The following KAZN variants were observed in gnomAD, a reference collection of about 807,000 sequenced individuals.
KAZN encodes kazrin.
Under a neutral mutation model 87.4 loss-of-function variants are expected in KAZN, and 40 were observed. The observed-to-expected ratio is 0.46, with a 90% confidence interval of 0.36 to 0.60. KAZN has a LOEUF of 0.60. Ranked by LOEUF, KAZN falls within the 20% of genes least tolerant of loss-of-function variation. The pLI is 0.00. For synonymous variants in KAZN, 466 were observed against 458.3 expected, an observed-to-expected ratio of 1.02 and a Z score of -0.22; for missense variants, 898 against 1,073.9, an observed-to-expected ratio of 0.84 and a Z score of 2.29.
intron 2 of KAZN, chr1:14,223,139 G>T (rs1647145414): frequency 6.6e-6 from 1 of 152,214 alleles, no homozygotes; most frequent in Non-Finnish European, 1.5e-5. Context: ...GCAGCTGTTG[G>T]ATGGTGGAAG....
chr1:14,263,587 C>T (rs555494897), intron 2 of KAZN, among the ~76,000 whole-genome samples: 28 of 151,774 alleles, frequency 1.8e-4, no homozygotes, highest in African/African-American at 6.5e-4. Flanking sequence ...TTGGTTTCAG[C>T]GATGATTTCT....
At chr1:14,333,102 G>A (rs1656969637) in intron 2 of KAZN, among the ~76,000 whole-genome samples, 1 of 151,944 alleles carries the variant, frequency 6.6e-6, no homozygotes, top group African/African-American at 2.4e-5. Context: ...TGTTCTCATT[G>A]TTCAGCTCCC....
At chr1:14,585,293 A>G (rs1433413997) in intron 2 of KAZN, among the ~76,000 whole-genome samples, 1 of 152,158 alleles carries the variant, frequency 6.6e-6, no homozygotes, top group Non-Finnish European at 1.5e-5. Flanking sequence ...AATTTCAATC[A>G]TGTGTTAGTC....
At chr1:15,049,575 A>G (rs945398760) in intron 4 of KAZN, among the ~76,000 whole-genome samples, 5 of 152,000 alleles carry the variant, frequency 3.3e-5, no homozygotes, top group Non-Finnish European at 7.3e-5. Flanking sequence ...CCCTCCATCA[A>G]GTAGGACATT....
intron 6 of KAZN, chr1:15,061,614 G>A (rs1304531825): frequency 6.6e-6 from 1 of 152,208 alleles, no homozygotes; most frequent in Non-Finnish European, 1.5e-5. Flanking sequence ...ACACCTTCCA[G>A]GCTCAAACAA....
intron 1 of KAZN, among the ~76,000 whole-genome samples, chr1:14,756,596 C>T (rs972534918): frequency 2.6e-5 from 4 of 152,142 alleles, no homozygotes; most frequent in Admixed American, 1.3e-4. Context: ...GTGGGTGCAC[C>T]GTGGAAATAG....
At chr1:14,962,099 A>G (rs1021206172) in intron 2 of KAZN, among the ~76,000 whole-genome samples, 1 of 152,228 alleles carries the variant, frequency 6.6e-6, no homozygotes, top group Non-Finnish European at 1.5e-5. Flanking sequence ...ATTTTGCTGG[A>G]CAGTTAATCG....
intron 2 of KAZN, among the ~76,000 whole-genome samples, chr1:14,533,533 TTA>T (rs1162730144): frequency 6.6e-6 from 1 of 152,192 alleles, no homozygotes; most frequent in African/African-American, 2.4e-5. Flanking sequence ...TTCCCAGTAT[TTA>T]TGATTGTGTC....
rs145951247 is a variant in KAZN at position 14,160,731 on chromosome 1, G to T, written c.92-19704G>T. 7.9e-5 allele frequency among the ~76,000 whole-genome samples: 12 copies of T among 152,178 alleles called. No homozygotes were observed. In the East Asian group the frequency reaches 2.3e-3, roughly 29 times the overall value. ...TGAGCTAGAAGTAAGTGAATTTGGG[G>T]GTTCACTAAAAGCCTCCCATTTATT... On this transcript the variant is annotated intron_variant, in intron 1 of 16. Coordinates refer to the KAZN transcript ENST00000636203.
chr1:14,060,088 G>T (rs78210457), intron 1 of KAZN, among the ~76,000 whole-genome samples: 2 of 151,922 alleles, frequency 1.3e-5, no homozygotes, highest in African/African-American at 4.8e-5. Context: ...AATGAGCCTG[G>T]GGGCAGTGGT....
At chr1:14,695,980 G>A (rs907236811) in intron 1 of KAZN, among the ~76,000 whole-genome samples, 20 of 152,142 alleles carry the variant, frequency 1.3e-4, no homozygotes, top group Admixed American at 2.6e-4. Context: ...TCCAGGAGAC[G>A]TGTTGATACA....
chr1:15,007,426 C>T (rs931839558), intron 2 of KAZN, among the ~76,000 whole-genome samples: 4 of 152,222 alleles, frequency 2.6e-5, no homozygotes, highest in African/African-American at 7.2e-5. Context: ...GCAGACATTA[C>T]GGTCCCCAGT....
chr1:14,862,451 A>G (rs572661251), intron 1 of KAZN, among the ~76,000 whole-genome samples: 2 of 152,194 alleles, frequency 1.3e-5, no homozygotes, highest in South Asian at 2.1e-4. Flanking sequence ...TCCTGTTCCA[A>G]TCACACCTGG....
At chr1:14,247,060 T>C (rs1474197701) in intron 2 of KAZN, among the ~76,000 whole-genome samples, 2 of 152,346 alleles carry the variant, frequency 1.3e-5, no homozygotes, top group Non-Finnish European at 2.9e-5. Flanking sequence ...TGTCTGACTT[T>C]TAATTACTTT....
At chr1:14,688,865 T>C (rs1295130771) in intron 1 of KAZN, among the ~76,000 whole-genome samples, 2 of 152,196 alleles carry the variant, frequency 1.3e-5, no homozygotes, top group South Asian at 2.1e-4. Context: ...GACAAAATCA[T>C]ATGTAGTTTT....
chr1:14,600,052 GT>G, intron 1 of KAZN, among the ~76,000 whole-genome samples: 1 of 152,164 alleles, frequency 6.6e-6, no homozygotes, highest in Non-Finnish European at 1.5e-5. Flanking sequence ...AAAATGTACT[GT>G]TTGGTTTCTG....
chr1:14,477,951 T>G (rs986846146), intron 2 of KAZN, among the ~76,000 whole-genome samples: 1 of 152,172 alleles, frequency 6.6e-6, no homozygotes, highest in African/African-American at 2.4e-5. Context: ...AAGCCCTGTA[T>G]GCCAAGCAAC....
intron 8 of KAZN, among the ~76,000 whole-genome samples, chr1:15,068,764 CAT>C (rs1466675391): frequency 2.0e-5 from 3 of 152,080 alleles, no homozygotes; most frequent in African/African-American, 7.2e-5. Flanking sequence ...CAAAGCCTGA[CAT>C]AGTCAGTACC....
In KAZN at chr1:14,094,991, C is replaced by T. The variant is rs571409103; in HGVS notation, c.92-85444C>T. 1.9e-3 allele frequency among the ~76,000 whole-genome samples: 295 copies of T among 152,234 alleles called. 1 individual carries two copies. Among genetic ancestry groups the T allele is most frequent in the African/African-American group, 6.8e-3 (283 of 41,504 alleles). ...GAAATTTGTGTCTTTAGGATGCTCA[C>T]CCCATTCAAGGCCCTCTGAAGCTGA... On this transcript the variant is annotated intron_variant, in intron 1 of 16. Coordinates refer to the KAZN transcript ENST00000636203.
Sources: gnomAD v4.1 joint callset for allele counts (sites outside exome capture counted in the v4.1 genomes callset) on GRCh38, gnomAD v4.1.1 for gene constraint, MANE v1.5 for transcripts, NCBI Gene and HGNC (gene_info 2026-07-23, HGNC 2026-07-21) for gene names.